TFIP11: variants seen among roughly 807,000 people sequenced by gnomAD.
TFIP11 encodes the protein tuftelin-interacting protein 11.
A neutral mutation model predicts 96.8 loss-of-function variants in TFIP11; 86 were observed. The ratio of observed to expected loss-of-function variants is 0.89; its 90% CI spans 0.75 to 1.06. TFIP11 has a LOEUF of 1.06. TFIP11 is among the 50% of genes least tolerant of loss of function. TFIP11 has a pLI of 0.00. For synonymous variants in TFIP11, 405 were observed against 395.2 expected (o/e 1.02, Z -0.29); for missense variants, 881 against 1,076.7 (o/e 0.82, Z 2.54).
In TFIP11 at chr22:26,507,142, C is replaced by T. The variant is rs113077889; in HGVS notation, c.210-214G>A. Among the ~76,000 whole-genome samples, 1,268 of 152,208 alleles carry T rather than the reference C, an allele frequency of 8.3e-3. 9 individuals are homozygous for T. The highest frequency in any genetic ancestry group is 0.017 in the Middle Eastern group (5 of 294). ...CATTTAACATTTTACCTGACATATC[C>T]CTCTACGGCTGAAGAGTTATCACAT... On this transcript the variant is annotated intron_variant, in intron 4 of 14. Coordinates refer to ENST00000407690, the MANE Select transcript of TFIP11 (RefSeq NM_012143.4).
At chr22:26,505,136 A>T (rs1219969749) in intron 6 of TFIP11, among the ~76,000 whole-genome samples, 1 of 152,196 alleles carries the variant, frequency 6.6e-6, no homozygotes, top group Admixed American at 6.5e-5. Context: ...TGTAGGATAC[A>T]TTTGATTATA....
At position 26,499,414 on chromosome 22, in the gene TFIP11, C is replaced by T. The variant is rs1416883701; in HGVS notation, c.1019G>A (p.Arg340Gln). Reference sequence around the variant, plus strand: ...CATGTCCCGCTCATACTGTAGCTGCCGGTCATTCTGGATGATCTCCTGCTC... The same window carrying T: ...CATGTCCCGCTCATACTGTAGCTGCTGGTCATTCTGGATGATCTCCTGCTC... The part of the protein sequence containing the change: ...LTEQEIIQND[R>Q]QLQYERDMVV... The change falls in exon 9 of 15, where the codon CGG (arginine) becomes CAG (glutamine). Residue 340 changes from arginine to glutamine, a missense_variant. By Grantham distance (43) the Arg-to-Gln change is conservative. Coordinates refer to ENST00000407690, the MANE Select transcript of TFIP11 (RefSeq NM_012143.4). 11 of 1,614,012 alleles carry T rather than the reference C, an allele frequency of 6.8e-6. No individual in the cohort carries two copies. Among genetic ancestry groups the T allele is most frequent in the South Asian group, 3.3e-5 (3 of 91,086 alleles).
chr22:26,496,579 G>C (rs1305574222), intron 11 of TFIP11, 142 bp downstream of exon 11: 17 of 1,157,788 alleles, frequency 1.5e-5, no homozygotes, highest in Non-Finnish European at 2.0e-5. Flanking sequence ...AAAAAGGCTG[G>C]AATTAACACT....
At chr22:26,510,324 G>A in intron 3 of TFIP11, 43 bp from the exon 4 acceptor site, 1 of 1,576,168 alleles carries the variant, frequency 6.3e-7, no homozygotes, top group Non-Finnish European at 8.7e-7. Flanking sequence ...AAGTCCTGGG[G>A]GCAGCAGTCG....
chr22:26,506,045 C>G (rs1036564291), intron 6 of TFIP11: 1 of 321,476 alleles, frequency 3.1e-6, no homozygotes, highest in Non-Finnish European at 5.7e-6. Flanking sequence ...CTGGTCAGGA[C>G]CAGAAAAAAA....
intron 13 of TFIP11, 111 bp from the exon 14 acceptor site, chr22:26,494,415 CT>C: frequency 7.8e-7 from 1 of 1,278,970 alleles, no homozygotes; most frequent in Non-Finnish European, 1.1e-6. Context: ...AGTGACACTA[CT>C]TTACAGGGAT....
At chr22:26,492,604 T>C (rs1217975353) in intron 14 of TFIP11, 2 of 526,016 alleles carry the variant, frequency 3.8e-6, no homozygotes, top group African/African-American at 3.8e-5. Context: ...ATTCAACATT[T>C]TAAAATGAAG....
intron 12 of TFIP11, among the ~76,000 whole-genome samples, chr22:26,495,260 CTTTTTTTTTTTTTTTTTTTT>C (rs150268332): frequency 1.2e-4 from 7 of 59,156 alleles, no homozygotes; most frequent in South Asian, 7.5e-4. Context: ...CAACTCCTGG[CTTTTTTTTTTTTTTTTTTTT>C]TTTTTTTTTT....
chr22:26,493,902 G>A, intron 14 of TFIP11: 2 of 498,054 alleles, frequency 4.0e-6, no homozygotes, highest in Non-Finnish European at 7.3e-6. Flanking sequence ...TCTGAATCCA[G>A]CTTAAGTCAG....
intron 14 of TFIP11, 66 bp from the exon 15 acceptor site, chr22:26,492,434 G>T: frequency 1.3e-6 from 2 of 1,481,744 alleles, no homozygotes; most frequent in Non-Finnish European, 1.9e-6. Flanking sequence ...TGACACTGTG[G>T]CTTGGCCCAG....
At chr22:26,500,673 AAG>A (rs1238342556) in intron 8 of TFIP11, among the ~76,000 whole-genome samples, 5 of 151,874 alleles carry the variant, frequency 3.3e-5, no homozygotes, top group African/African-American at 9.7e-5. Context: ...AAAAAAAAAA[AAG>A]AGTCCTGAGG....
At chr22:26,509,832 G>A (rs1246088470) in intron 4 of TFIP11, among the ~76,000 whole-genome samples, 1 of 152,038 alleles carries the variant, frequency 6.6e-6, no homozygotes. Flanking sequence ...CTCCAACCTG[G>A]GCAACAAAGT....
Position 26,491,676 on chromosome 22 carries a change from CGTT to C in TFIP11, c.*334_*336del, listed in dbSNP as rs768996357. ...AGATCCTTCTGCTACTGACTGAACT[CGTT>C]GTGAGGTACTCAGTGTTGGCTGAGG... On this transcript the variant is annotated 3_prime_UTR_variant, in exon 15 of 15. Coordinates refer to ENST00000407690, the MANE Select transcript of TFIP11 (RefSeq NM_012143.4). 16 of 1,607,356 alleles carry C rather than the reference CGTT, an allele frequency of 1.0e-5. No individual in the cohort carries two copies. In the East Asian group the frequency reaches 1.3e-4, roughly 13 times the overall value.
At chr22:26,499,686 C>T in intron 8 of TFIP11, 55 bp from the exon 9 acceptor site, 1 of 1,531,652 alleles carries the variant, frequency 6.5e-7, no homozygotes, top group Non-Finnish European at 8.8e-7. Context: ...GTTAAACACA[C>T]AGCTAAGCCC....
intron 3 of TFIP11, 138 bp downstream of exon 3, chr22:26,510,479 A>C: frequency 1.7e-6 from 1 of 583,904 alleles, no homozygotes; most frequent in Non-Finnish European, 3.0e-6. Context: ...CAGGTGAACA[A>C]AATACTACTC....
At chr22:26,501,207 A>G (rs1160520117) in intron 8 of TFIP11, among the ~76,000 whole-genome samples, 2 of 152,148 alleles carry the variant, frequency 1.3e-5, no homozygotes, top group African/African-American at 4.8e-5. Context: ...AATACACTAC[A>G]TGGACGTAAC....
rs137898473 is a variant in TFIP11, at chr22:26,498,901, G to A, written c.1404C>T (p.Gly468=). 1.2e-5 allele frequency: 20 copies of A among 1,613,602 alleles called. No individual in the cohort carries two copies. Among genetic ancestry groups the A allele is most frequent in the Non-Finnish European group, 1.6e-5 (19 of 1,179,944 alleles). Residue 468 remains glycine (G), a synonymous_variant, in exon 10 of 15, where the codon GGC becomes GGT. Coordinates refer to ENST00000407690, the MANE Select transcript of TFIP11 (RefSeq NM_012143.4). ...LLENDQLLSH[G]GQDLSADAFH... ...AGGCATCTGCTGAGAGGTCCTGTCC[G>A]CCATGGGACAAGAGCTGGTCATTCT...
intron 4 of TFIP11, among the ~76,000 whole-genome samples, chr22:26,507,454 T>C (rs761013739): frequency 1.3e-5 from 2 of 151,504 alleles, no homozygotes; most frequent in Non-Finnish European, 2.9e-5. Context: ...TGAGACTTCG[T>C]CTCTATAAAA....
Position 26,501,940 on chromosome 22 carries a change from T to C in TFIP11, c.761A>G (p.Lys254Arg), listed in dbSNP as rs1276878978. Residue 254 changes from lysine (K) to arginine (R), a missense_variant, in exon 8 of 15, where the codon AAG becomes AGG. Transcript: ENST00000407690. The part of the protein sequence containing the change: ...EELKAKGRIS[K>R]KLTAPQKELS... Reference sequence around the variant, plus strand: ...TTCCTTCTGGGGAGCAGTGAGCTTCTTGCTAATCCTGCCCTTGGCCTTCAA... The same window carrying C: ...TTCCTTCTGGGGAGCAGTGAGCTTCCTGCTAATCCTGCCCTTGGCCTTCAA... 1 of 1,613,822 alleles carries C rather than the reference T, an allele frequency of 6.2e-7. No homozygotes were observed. Among genetic ancestry groups the C allele is most frequent in the African/African-American group, 1.3e-5 (1 of 74,864 alleles).
Sources: gnomAD v4.1 joint callset for allele counts (sites outside exome capture counted in the v4.1 genomes callset) on GRCh38, gnomAD v4.1.1 for gene constraint, MANE v1.5 for transcripts, NCBI Gene and HGNC (gene_info 2026-07-23, HGNC 2026-07-21) for gene names.